The following APPBP2 variants were observed in gnomAD, a reference collection of about 807,000 sequenced individuals.
The protein encoded by APPBP2 is amyloid protein-binding protein 2.
Under a neutral mutation model 76.0 loss-of-function variants are expected in APPBP2, and 15 were observed. That is an observed-to-expected ratio of 0.20 (90% confidence interval 0.13 to 0.30). APPBP2 has a LOEUF of 0.30. Ranked by LOEUF, APPBP2 falls within the 10% of genes least tolerant of loss-of-function variation. The pLI is 1.00. For synonymous variants in APPBP2, 222 were observed against 242.2 expected (o/e 0.92, Z 0.77); for missense variants, 401 against 687.2 (o/e 0.58, Z 4.66).
chr17:60,504,329 T>G (rs976354961), intron 1 of APPBP2, among the ~76,000 whole-genome samples: 6 of 152,052 alleles, frequency 3.9e-5, no homozygotes, highest in African/African-American at 1.4e-4. Flanking sequence ...GTTATGAAGA[T>G]AGATCAACCA....
Position 60,513,724 on chromosome 17 carries a change from G to A in APPBP2, c.138+12070C>T, listed in dbSNP as rs902704696. On this transcript the variant is annotated intron_variant, in intron 1 of 12. Coordinates refer to ENST00000083182, the MANE Select transcript of APPBP2 (RefSeq NM_006380.5). ...TAAAAATACAAAAAATTAGCCGGGC[G>A]TGGTGGCGGGTGCCTGTAATCCCAG... Among the ~76,000 whole-genome samples the A allele has an allele frequency of 3.3e-5, 5 of 151,758 alleles. No individual in the cohort carries two copies. In the South Asian group the frequency reaches 6.2e-4, roughly 19 times the overall value.
chr17:60,469,051 G>C (rs1314578317), intron 4 of APPBP2, among the ~76,000 whole-genome samples: 2 of 152,104 alleles, frequency 1.3e-5, no homozygotes, highest in African/African-American at 4.8e-5. Context: ...TCTTGTAAGT[G>C]TCTTTTTCTT....
intron 1 of APPBP2, among the ~76,000 whole-genome samples, chr17:60,516,425 C>G (rs534596648): frequency 6.6e-6 from 1 of 152,086 alleles, no homozygotes; most frequent in Non-Finnish European, 1.5e-5. Flanking sequence ...TTTCTTTTGG[C>G]CTGGGGTTGC....
chr17:60,463,325 C>T (rs1011565249), intron 6 of APPBP2, among the ~76,000 whole-genome samples: 2 of 152,110 alleles, frequency 1.3e-5, no homozygotes, highest in Non-Finnish European at 2.9e-5. Flanking sequence ...TACTAAATGT[C>T]CTCAAAGAGT....
At chr17:60,461,470 T>C in intron 8 of APPBP2, 1 of 200,226 alleles carries the variant, frequency 5.0e-6, no homozygotes, top group Non-Finnish European at 1.0e-5. Flanking sequence ...AGACCTAAAA[T>C]AATTATCAGC....
intron 11 of APPBP2, among the ~76,000 whole-genome samples, chr17:60,452,257 T>C (rs1234321636): frequency 6.6e-6 from 1 of 152,186 alleles, no homozygotes; most frequent in African/African-American, 2.4e-5. Flanking sequence ...AGCAATAGTA[T>C]CCTATGTCAA....
chr17:60,469,620 A>C (rs1028537559), intron 4 of APPBP2, among the ~76,000 whole-genome samples: 3 of 152,138 alleles, frequency 2.0e-5, no homozygotes, highest in Non-Finnish European at 4.4e-5. Context: ...TACATATTTC[A>C]TGTAAGTGGA....
At position 60,447,613 on chromosome 17, in the gene APPBP2, T is replaced by A; in HGVS notation, c.1726A>T (p.Ile576Phe). 2 of 1,613,510 alleles carry A rather than the reference T, an allele frequency of 1.2e-6. No homozygotes were observed. Among genetic ancestry groups the A allele is most frequent in the Non-Finnish European group, 1.7e-6 (2 of 1,179,748 alleles). The change falls in exon 13 of 13, where the codon ATT (isoleucine) becomes TTT (phenylalanine). Residue 576 changes from isoleucine to phenylalanine, a missense_variant. Physicochemically the swap from Ile to Phe is conservative, Grantham distance 21. Coordinates refer to ENST00000083182, the MANE Select transcript of APPBP2 (RefSeq NM_006380.5). ...CTCGGTCCCTCGACATTCTGAGAAA[T>A]CAGGAAGGACTGCACCACTTCTTCA... ...STEEVVQSFL[I>F]SQNVEGPSC
chr17:60,486,755 T>C (rs1218288327), intron 3 of APPBP2, among the ~76,000 whole-genome samples: 2 of 152,160 alleles, frequency 1.3e-5, no homozygotes, highest in African/African-American at 4.8e-5. Flanking sequence ...GCCGGTTATT[T>C]TGGCCATTAG....
At chr17:60,517,042 C>A (rs2090968959) in intron 1 of APPBP2, among the ~76,000 whole-genome samples, 2 of 152,300 alleles carry the variant, frequency 1.3e-5, no homozygotes, top group South Asian at 4.1e-4. Flanking sequence ...ATGTCATGAT[C>A]TCAGCTCGCT....
intron 4 of APPBP2, among the ~76,000 whole-genome samples, chr17:60,469,151 G>A (rs1040138993): frequency 1.3e-5 from 2 of 151,626 alleles, no homozygotes; most frequent in Non-Finnish European, 2.9e-5. Context: ...CACGATCCCC[G>A]TCTCTACTAA....
In APPBP2 at chr17:60,475,648, TACACACACACACACACACACACAC is replaced by T. The variant is rs72415327; in HGVS notation, c.503+3476_503+3499del. Reference sequence around the variant, plus strand: ...CTTTCAATCCACATTCAACTCTTTATACACACACACACACACACACACACACACACACACACACACACGCTCCCC... The same window carrying T: ...CTTTCAATCCACATTCAACTCTTTATACACACACACACACACACGCTCCCC... On this transcript the variant is annotated intron_variant, in intron 4 of 12. Transcript: ENST00000083182. Among the ~76,000 whole-genome samples, 4 of 129,266 alleles carry T rather than the reference TACACACACACACACACACACACAC, an allele frequency of 3.1e-5. No homozygotes were observed. In the East Asian group the frequency reaches 6.7e-4, roughly 22 times the overall value. 84.8% of individuals were successfully genotyped at this position (129,266 alleles called of 152,430 possible).
At chr17:60,477,798 G>GC (rs2090601301) in intron 4 of APPBP2, among the ~76,000 whole-genome samples, 2 of 124,234 alleles carry the variant, frequency 1.6e-5, no homozygotes, top group Admixed American at 8.1e-5. Flanking sequence ...AATCCAACTG[G>GC]CCAAAAAAAA....
rs895632032 is a variant in APPBP2, at chr17:60,502,652, C to G, written c.139-2165G>C. 5.5e-5 allele frequency among the ~76,000 whole-genome samples: 8 copies of G among 146,390 alleles called. 2 individuals are homozygous for G. Among genetic ancestry groups the G allele is most frequent in the African/African-American group, 2.2e-4 (8 of 35,972 alleles). The stretch of plus-strand genomic sequence containing the variant: ...GGTGGATCAGCTGAGGTCAACAGTT[C>G]AAGACCAGACTGGCCAACATGGAGA... On this transcript the variant is annotated intron_variant, in intron 1 of 12. Transcript: ENST00000083182.
chr17:60,476,586 CAAATTTTATT>C (rs1232453762), intron 4 of APPBP2, among the ~76,000 whole-genome samples: 1 of 152,048 alleles, frequency 6.6e-6, no homozygotes. Context: ...TGAATAGAGG[CAAATTTTATT>C]GTGAAATTTC....
chr17:60,469,172 A>C (rs1238398998), intron 4 of APPBP2, among the ~76,000 whole-genome samples: 1 of 151,950 alleles, frequency 6.6e-6, no homozygotes, highest in African/African-American at 2.4e-5. Flanking sequence ...AAATACAAAA[A>C]AAAATTAGCT....
chr17:60,478,161 T>C (rs1306842442), intron 4 of APPBP2, among the ~76,000 whole-genome samples: 2 of 152,162 alleles, frequency 1.3e-5, no homozygotes, highest in Non-Finnish European at 2.9e-5. Context: ...GATTGGACTT[T>C]AGTTACCTTA....
chr17:60,447,540 T>C lies in APPBP2; in HGVS notation c.*41A>G, dbSNP rs2090358344. ...TTTTGATTTCACAGTATGAATTCCC[T>C]GGAATCCGGGAAAAGGTAATTGGTT... On this transcript the variant is annotated 3_prime_UTR_variant, in exon 13 of 13. Transcript: ENST00000083182. 1.0e-5 allele frequency: 16 copies of C among 1,557,114 alleles called. No homozygotes were observed. In the East Asian group the frequency reaches 2.9e-4, roughly 28 times the overall value.
At chr17:60,489,912 G>T (rs1040480045) in intron 3 of APPBP2, among the ~76,000 whole-genome samples, 1 of 152,130 alleles carries the variant, frequency 6.6e-6, no homozygotes, top group African/African-American at 2.4e-5. Context: ...GCACACGCCT[G>T]TAATCTCGGC....
Sources: gnomAD v4.1 joint callset for allele counts (sites outside exome capture counted in the v4.1 genomes callset) on GRCh38, gnomAD v4.1.1 for gene constraint, MANE v1.5 for transcripts, NCBI Gene and HGNC (gene_info 2026-07-23, HGNC 2026-07-21) for gene names.